RPGRIP1L: variants seen among roughly 807,000 people sequenced by gnomAD.
RPGRIP1L encodes RPGRIP1 like, also known as protein fantom.
Under a neutral mutation model 160.4 loss-of-function variants are expected in RPGRIP1L, and 131 were observed. The observed-to-expected ratio is 0.82, with a 90% CI of 0.71 to 0.94. RPGRIP1L has a LOEUF of 0.94. RPGRIP1L is among the 40% of genes least tolerant of loss of function. The pLI is 0.00. For missense variants in RPGRIP1L, 1,522 were observed against 1,535.8 expected, an observed-to-expected ratio of 0.99 and a Z score of 0.15; for synonymous variants, 510 against 515.8, an observed-to-expected ratio of 0.99 and a Z score of 0.15.
chr16:53,625,045 C>T (rs952786921), intron 22 of RPGRIP1L, among the ~76,000 whole-genome samples: 10 of 152,168 alleles, frequency 6.6e-5, no homozygotes, highest in African/African-American at 2.2e-4. Flanking sequence ...GGATTGCAGA[C>T]GGAGTCTCGC....
chr16:53,614,882 T>C (rs1337420436), intron 24 of RPGRIP1L, among the ~76,000 whole-genome samples: 2 of 152,226 alleles, frequency 1.3e-5, no homozygotes, highest in South Asian at 2.1e-4. Flanking sequence ...AATACTTTAG[T>C]TGATCTTCAG....
chr16:53,644,395 A>C (rs2151075545), intron 17 of RPGRIP1L, among the ~76,000 whole-genome samples: 1 of 152,336 alleles, frequency 6.6e-6, no homozygotes, highest in African/African-American at 2.4e-5. Flanking sequence ...AAGAAGGAGA[A>C]GAAAAAAAGA....
In RPGRIP1L at chr16:53,605,547, C is replaced by T. The variant is rs536037779; in HGVS notation, c.3769G>A (p.Val1257Met). 51 of 1,614,040 alleles carry T rather than the reference C, an allele frequency of 3.2e-5. No individual in the cohort carries two copies. The Admixed American group carries it at 3.5e-4, about 11-fold the overall frequency. Residue 1257 changes from valine (V) to methionine (M), a missense_variant, in exon 26 of 27, where the codon GTG becomes ATG. Val to Met is a conservative substitution (Grantham distance 21). Transcript: ENST00000647211. ...ATGTCGGCAAGGTCGACGTGAGCCACGCCAATGTCCTCACACTCCAGGTCC... is the reference window on the plus strand; with the variant it reads ...ATGTCGGCAAGGTCGACGTGAGCCATGCCAATGTCCTCACACTCCAGGTCC... ...EQDLECEDIG[V>M]AHVDLADMFQ...
rs767972738 is a variant in RPGRIP1L, at chr16:53,619,102, C to T, written c.3539G>A (p.Ser1180Asn). The T allele has an allele frequency of 3.1e-6, 5 of 1,614,092 alleles. No homozygotes were observed. The highest frequency in any genetic ancestry group is 1.1e-5 in the South Asian group (1 of 91,084). ...QRLFVECRFY[S>N]LPAEETPVSL... ...CACGGGTGTCTCTTCAGCAGGAAGA[C>T]TGTAGAATCGACACTCAACAAACAG... is the stretch of plus-strand genomic sequence containing the variant. The change falls in exon 24 of 27, where the codon AGT (serine) becomes AAT (asparagine). Residue 1180 changes from serine (S) to asparagine (N), a missense_variant. Coordinates refer to ENST00000647211, the MANE Select transcript of RPGRIP1L (RefSeq NM_015272.5).
intron 1 of RPGRIP1L, 121 bp from the exon 2 acceptor site, chr16:53,700,851 T>C (rs1161561550): frequency 1.3e-6 from 1 of 745,368 alleles, no homozygotes; most frequent in Non-Finnish European, 2.4e-6. Flanking sequence ...ATTGTCCACA[T>C]GTGCTGCTTG....
At chr16:53,606,436 A>T (rs1963688364) in intron 25 of RPGRIP1L, among the ~76,000 whole-genome samples, 1 of 152,226 alleles carries the variant, frequency 6.6e-6, no homozygotes, top group Admixed American at 6.5e-5. Flanking sequence ...GAAACAAAAC[A>T]AGAAACATAA....
Position 53,602,146 on chromosome 16 carries a change from C to T in RPGRIP1L, c.3878G>A (p.Arg1293Lys). ...GGCATGGAGAGCTTCGACTGTTACC[C>T]TGAGCTTGCCAATACCTTCACCATC... ...RADGEGIGKL[R>K]VTVEALHALQ... Residue 1293 changes from arginine (R) to lysine (K), a missense_variant, in exon 27 of 27, where the codon AGG becomes AAG. Transcript: ENST00000647211. 6.2e-7 allele frequency: 1 copy of T among 1,613,996 alleles called. No individual in the cohort carries two copies. Among genetic ancestry groups the T allele is most frequent in the Non-Finnish European group, 8.5e-7 (1 of 1,179,940 alleles).
rs564166476 is a variant in RPGRIP1L at position 53,654,661 on chromosome 16, A to G, written c.1700-1674T>C. On this transcript the variant is annotated intron_variant, in intron 14 of 26. Transcript: ENST00000647211. ...TAGTGCCTCAGTTTTTCCTATTTGT[A>G]TTCTCCCTGCCCAGCACTTTGCTTA... is the stretch of plus-strand genomic sequence containing the variant. 2.2e-3 allele frequency among the ~76,000 whole-genome samples: 338 copies of G among 152,256 alleles called. 2 individuals are homozygous for G. The highest frequency in any genetic ancestry group is 7.8e-3 in the African/African-American group (324 of 41,544).
chr16:53,675,594 G>T (rs1969095005), intron 6 of RPGRIP1L, among the ~76,000 whole-genome samples: 1 of 152,056 alleles, frequency 6.6e-6, no homozygotes, highest in Admixed American at 6.5e-5. Context: ...GGCATCATAA[G>T]ATTACCATTT....
At chr16:53,675,188 G>A in intron 6 of RPGRIP1L, 66 bp from the exon 7 acceptor site, 5 of 999,328 alleles carry the variant, frequency 5.0e-6, no homozygotes, top group Non-Finnish European at 7.8e-6. Context: ...GAAAATCTAT[G>A]GTGGAATCAC....
intron 9 of RPGRIP1L, 70 bp from the exon 10 acceptor site, chr16:53,665,079 G>C: frequency 6.4e-7 from 1 of 1,567,218 alleles, no homozygotes; most frequent in Non-Finnish European, 8.7e-7. Context: ...AAAGAGAAAA[G>C]CTTTTAGTGG....
chr16:53,700,653 AT>A lies in RPGRIP1L; in HGVS notation c.70del (p.Met24TrpfsTer13). 6.2e-7 allele frequency: 1 copy of A among 1,612,710 alleles called. No homozygotes were observed. The highest frequency in any genetic ancestry group is 8.5e-7 in the Non-Finnish European group (1 of 1,179,058). On this transcript the variant is annotated frameshift_variant, in exon 2 of 27. Coordinates refer to ENST00000647211, the MANE Select transcript of RPGRIP1L (RefSeq NM_015272.5). LOFTEE classifies it high-confidence loss of function. ...VKDTGLNLFG[M>X]GGLQETSTTR... ...GCTGGCCATACCTTGTAACCCTCCCATTCCAAAGAGGTTTAGACCTGTATCT... is the reference window on the plus strand; with the variant it reads ...GCTGGCCATACCTTGTAACCCTCCCATCCAAAGAGGTTTAGACCTGTATCT...
intron 18 of RPGRIP1L, 37 bp from the exon 19 acceptor site, chr16:53,641,153 A>G: frequency 6.4e-7 from 1 of 1,570,504 alleles, no homozygotes; most frequent in Non-Finnish European, 8.8e-7. Context: ...ACTGAGTATG[A>G]TGACCATTAG....
At chr16:53,614,527 A>G (rs1450251316) in intron 24 of RPGRIP1L, among the ~76,000 whole-genome samples, 2 of 152,226 alleles carry the variant, frequency 1.3e-5, no homozygotes. Context: ...TTCATTTGCC[A>G]AATTTTTAAA....
At chr16:53,690,005 A>T (rs1012577475) in intron 4 of RPGRIP1L, among the ~76,000 whole-genome samples, 1 of 152,196 alleles carries the variant, frequency 6.6e-6, no homozygotes, top group African/African-American at 2.4e-5. Context: ...ACAGCAATTT[A>T]TAGCACTAGA....
chr16:53,697,151 G>A (rs574944767), intron 2 of RPGRIP1L, among the ~76,000 whole-genome samples: 121 of 151,546 alleles, frequency 8.0e-4, no homozygotes, highest in African/African-American at 2.8e-3. Context: ...TTGTGCCACT[G>A]CACTCCAGCC....
intron 18 of RPGRIP1L, 29 bp downstream of exon 18, chr16:53,641,256 T>TA (rs1250244617): frequency 4.4e-6 from 7 of 1,604,866 alleles, no homozygotes; most frequent in African/African-American, 1.3e-5. Flanking sequence ...TTTATACTTG[T>TA]AAAAAAATTA....
intron 22 of RPGRIP1L, among the ~76,000 whole-genome samples, chr16:53,626,806 C>CA (rs397956424): frequency 0.38 from 35,862 of 93,434 alleles, 5,816 homozygotes; most frequent in African/African-American, 0.54. Context: ...CCCTGTCTCT[C>CA]AAAAAAAAAA....
chr16:53,690,199 C>G (rs1477246274), intron 4 of RPGRIP1L, among the ~76,000 whole-genome samples: 1 of 152,018 alleles, frequency 6.6e-6, no homozygotes, highest in East Asian at 1.9e-4. Context: ...GCATTATAGA[C>G]TTATTTATTT....
Sources: gnomAD v4.1 joint callset for allele counts (sites outside exome capture counted in the v4.1 genomes callset) on GRCh38, gnomAD v4.1.1 for gene constraint, MANE v1.5 for transcripts, NCBI Gene and HGNC (gene_info 2026-07-23, HGNC 2026-07-21) for gene names.